Variants in GALNTL6 observed in about 807,000 individuals in gnomAD.
The protein encoded by GALNTL6 is polypeptide N-acetylgalactosaminyltransferase-like 6.
In GALNTL6, 46 loss-of-function variants were observed where a neutral mutation model predicts 73.7. The observed-to-expected ratio is 0.62, with a 90% confidence interval of 0.49 to 0.80. The LOEUF (loss-of-function observed/expected upper bound fraction) is 0.80. Among genes scored for constraint, GALNTL6 ranks in the 30% least tolerant of loss-of-function variants. GALNTL6 has a pLI of 0.00. For synonymous variants in GALNTL6, 259 were observed against 263.7 expected, an observed-to-expected ratio of 0.98 and a Z score of 0.17; for missense variants, 604 against 755.0, an observed-to-expected ratio of 0.80 and a Z score of 2.34.
intron 5 of GALNTL6, among the ~76,000 whole-genome samples, chr4:172,610,773 C>T (rs1031055021): frequency 6.6e-6 from 1 of 151,954 alleles, no homozygotes; most frequent in Non-Finnish European, 1.5e-5. Flanking sequence ...CTGTCTAATA[C>T]TGTCAATGAG....
intron 5 of GALNTL6, among the ~76,000 whole-genome samples, chr4:172,755,434 C>G (rs1419407621): frequency 1.3e-5 from 2 of 151,844 alleles, no homozygotes; most frequent in African/African-American, 4.8e-5. Flanking sequence ...GATGATGTAT[C>G]ACAAACATCA....
chr4:171,979,368 T>C (rs972879837), intron 2 of GALNTL6, among the ~76,000 whole-genome samples: 31 of 151,992 alleles, frequency 2.0e-4, no homozygotes, highest in African/African-American at 7.0e-4. Flanking sequence ...TCAAAACATA[T>C]AACAATGATA....
At position 172,675,094 on chromosome 4, in the gene GALNTL6, G is replaced by A. The variant is rs1196757229; in HGVS notation, c.554-134267G>A. Among the ~76,000 whole-genome samples the A allele has an allele frequency of 2.0e-5, 3 of 152,208 alleles. No homozygotes were observed. The East Asian group carries it at 5.8e-4, about 29-fold the overall frequency. On this transcript the variant is annotated intron_variant, in intron 5 of 12. Transcript: ENST00000506823. ...TTCTTGCACTGATTCCTTATCATCT[G>A]TGTGGGCTTATCTACCTTCAATCTT...
At position 172,531,621 on chromosome 4, in the gene GALNTL6, G is replaced by A. The variant is rs537852537; in HGVS notation, c.553+182932G>A. Among the ~76,000 whole-genome samples, 239 of 152,284 alleles carry A rather than the reference G, an allele frequency of 1.6e-3. 2 individuals are homozygous for A. The highest frequency in any genetic ancestry group is 5.6e-3 in the African/African-American group (233 of 41,554). ...CTTCTCCAGGATGCTCTTAATACCTGCATCTGGAGTGGGCAAGAGGTTTGT... is the reference window on the plus strand; with the variant it reads ...CTTCTCCAGGATGCTCTTAATACCTACATCTGGAGTGGGCAAGAGGTTTGT... On this transcript the variant is annotated intron_variant, in intron 5 of 12. Transcript: ENST00000506823.
intron 5 of GALNTL6, among the ~76,000 whole-genome samples, chr4:172,695,651 C>T (rs1579351467): frequency 6.6e-6 from 1 of 152,196 alleles, no homozygotes; most frequent in East Asian, 1.9e-4. Context: ...ATATTTTTCT[C>T]TTCAAGAAAT....
At chr4:172,184,918 A>G (rs897779428) in intron 2 of GALNTL6, among the ~76,000 whole-genome samples, 2 of 152,188 alleles carry the variant, frequency 1.3e-5, no homozygotes, top group Non-Finnish European at 2.9e-5. Context: ...TAATCCATTC[A>G]TTCCACCCTT....
chr4:171,996,389 T>A (rs1349812115), intron 2 of GALNTL6, among the ~76,000 whole-genome samples: 2 of 152,082 alleles, frequency 1.3e-5, no homozygotes, highest in Non-Finnish European at 2.9e-5. Flanking sequence ...GGACCATTAT[T>A]TTATAAATCA....
intron 5 of GALNTL6, among the ~76,000 whole-genome samples, chr4:172,624,675 G>T (rs1739093879): frequency 6.6e-6 from 1 of 151,916 alleles, no homozygotes; most frequent in African/African-American, 2.4e-5. Flanking sequence ...GTAAATAAAT[G>T]CAATTAGATC....
chr4:172,373,899 C>T (rs192963922), intron 5 of GALNTL6, among the ~76,000 whole-genome samples: 2 of 152,274 alleles, frequency 1.3e-5, no homozygotes, highest in East Asian at 3.9e-4. Context: ...ACTGAGAAGG[C>T]CGCGCCAGTG....
chr4:172,041,831 G>A (rs1464556315), intron 2 of GALNTL6, among the ~76,000 whole-genome samples: 1 of 151,984 alleles, frequency 6.6e-6, no homozygotes, highest in Non-Finnish European at 1.5e-5. Flanking sequence ...TCCTCTCCTT[G>A]ACTCTGGTCT....
At chr4:172,805,804 C>A (rs1351892126) in intron 5 of GALNTL6, among the ~76,000 whole-genome samples, 1 of 151,958 alleles carries the variant, frequency 6.6e-6, no homozygotes, top group Non-Finnish European at 1.5e-5. Context: ...AAAATATGGT[C>A]TTTTGTCTGA....
At chr4:172,878,157 T>G (rs1016154954) in intron 7 of GALNTL6, among the ~76,000 whole-genome samples, 1 of 151,982 alleles carries the variant, frequency 6.6e-6, no homozygotes, top group Non-Finnish European at 1.5e-5. Context: ...TTATCTGTAA[T>G]GAATGAGGGA....
chr4:172,087,351 A>G (rs1732072915), intron 2 of GALNTL6, among the ~76,000 whole-genome samples: 2 of 151,016 alleles, frequency 1.3e-5, no homozygotes, highest in South Asian at 4.2e-4. Context: ...AGGCTGAGGC[A>G]GGAGAATGGC....
At chr4:172,792,616 T>C (rs1740055197) in intron 5 of GALNTL6, among the ~76,000 whole-genome samples, 1 of 151,914 alleles carries the variant, frequency 6.6e-6, no homozygotes, top group Non-Finnish European at 1.5e-5. Flanking sequence ...TCAGGGCTTG[T>C]TTTAGCATTT....
intron 2 of GALNTL6, among the ~76,000 whole-genome samples, chr4:171,905,770 G>A (rs997337564): frequency 2.0e-5 from 3 of 151,504 alleles, no homozygotes; most frequent in Admixed American, 6.6e-5. Flanking sequence ...AAATATAAAA[G>A]AACAGAAATT....
rs1734375316 is a variant in GALNTL6 at position 172,505,324 on chromosome 4, G to A, written c.553+156635G>A. On this transcript the variant is annotated intron_variant, in intron 5 of 12. Transcript: ENST00000506823. ...AGGAATGACTCAAACACAGTCCTTT[G>A]GAGCTAGAATCAGTCTATCAAAAAG... is the stretch of plus-strand genomic sequence containing the variant. 7.3e-5 allele frequency among the ~76,000 whole-genome samples: 4 copies of A among 55,082 alleles called. 2 individuals carry two copies. The highest frequency in any genetic ancestry group is 9.1e-5 in the African/African-American group (2 of 22,066). 36.1% of individuals were successfully genotyped at this position (55,082 alleles called of 152,430 possible).
chr4:172,813,387 T>C (rs545164479), intron 6 of GALNTL6, among the ~76,000 whole-genome samples, 153 bp from the exon 7 acceptor site: 3 of 152,294 alleles, frequency 2.0e-5, no homozygotes, highest in South Asian at 4.1e-4. Context: ...AAGTCCAGAA[T>C]TCAGAGATTC....
chr4:172,203,936 G>A (rs1401341942), intron 2 of GALNTL6, among the ~76,000 whole-genome samples: 2 of 151,960 alleles, frequency 1.3e-5, no homozygotes, highest in African/African-American at 4.8e-5. Context: ...AGTAGAGACG[G>A]TGTTTCTCCA....
At position 172,639,191 on chromosome 4, in the gene GALNTL6, G is replaced by A. The variant is rs571755151; in HGVS notation, c.554-170170G>A. Among the ~76,000 whole-genome samples the A allele has an allele frequency of 9.9e-4, 150 of 152,154 alleles. 1 individual carries two copies. The highest frequency in any genetic ancestry group is 3.3e-3 in the African/African-American group (136 of 41,518). The stretch of plus-strand genomic sequence containing the variant: ...CATCTCATCATATTTTGTCAACTAA[G>A]TTTAGCATTCATCGATGATTCTTGC... On this transcript the variant is annotated intron_variant, in intron 5 of 12. Transcript: ENST00000506823.
Sources: allele counts gnomAD v4.1 joint callset (sites outside exome capture counted in the v4.1 genomes callset), GRCh38; gene constraint gnomAD v4.1.1; transcripts MANE v1.5; gene names NCBI Gene and HGNC (gene_info 2026-07-23, HGNC 2026-07-21).